OPHN1: variants seen among roughly 807,000 people sequenced by gnomAD.
OPHN1 encodes oligophrenin 1, also known as oligophrenin-1.
A neutral mutation model predicts 60.7 loss-of-function variants in OPHN1; 11 were observed. That is an observed-to-expected ratio of 0.18 (90% CI 0.11 to 0.30). OPHN1 has a LOEUF of 0.30. Ranked by LOEUF, OPHN1 falls within the 10% of genes least tolerant of loss-of-function variation. The pLI is 1.00. For synonymous variants in OPHN1, 226 were observed against 222.6 expected, an observed-to-expected ratio of 1.02 and a Z score of -0.14; for missense variants, 449 against 611.0, an observed-to-expected ratio of 0.73 and a Z score of 2.80.
At chrX:68,265,467 C>T (rs2077918705) in intron 5 of OPHN1, among the ~76,000 whole-genome samples, 1 of 112,105 alleles carries the variant, frequency 8.9e-6, no homozygotes, top group Non-Finnish European at 1.9e-5. Context: ...AGCTGAGGGT[C>T]CTGACTGTTA....
intron 2 of OPHN1, among the ~76,000 whole-genome samples, chrX:68,307,685 C>A (rs974828351): frequency 1.8e-5 from 2 of 110,819 alleles, no homozygotes; most frequent in African/African-American, 6.6e-5. Context: ...ATAGAGGAGA[C>A]AAACTACAAT....
intron 2 of OPHN1, among the ~76,000 whole-genome samples, chrX:68,359,263 A>C (rs1330399868): frequency 1.8e-5 from 2 of 111,353 alleles, no homozygotes; most frequent in Non-Finnish European, 3.8e-5. Flanking sequence ...CTGCAGAAAA[A>C]TTTGGGGTAC....
At chrX:68,262,809 C>T (rs1431824566) in intron 5 of OPHN1, among the ~76,000 whole-genome samples, 1 of 101,388 alleles carries the variant, frequency 9.9e-6, no homozygotes, top group Non-Finnish European at 2.0e-5. Context: ...CAGGACAGGA[C>T]AGGACAGGAC....
At chrX:68,196,073 T>A (rs1487351087) in intron 12 of OPHN1, among the ~76,000 whole-genome samples, 1 of 112,104 alleles carries the variant, frequency 8.9e-6, no homozygotes, top group Admixed American at 9.5e-5. Flanking sequence ...AGTGCTGGAA[T>A]ATTTTCTGGA....
rs186654612 is a variant in OPHN1 at position 68,167,948 on chromosome X, T to C, written c.1276+24971A>G. On this transcript the variant is annotated intron_variant, in intron 15 of 24. Transcript: ENST00000355520. ...GCAACCTGGATGGAACTGGAGATCA[T>C]TACGTTAAGGAAAATAAGCCAGGCA... Among the ~76,000 whole-genome samples the C allele has an allele frequency of 2.6e-3, 290 of 111,001 alleles. 4 individuals are homozygous for C. The highest frequency in any genetic ancestry group is 4.1e-3 in the Non-Finnish European group (219 of 52,971).
At chrX:68,417,120 G>A (rs1187308687) in intron 2 of OPHN1, among the ~76,000 whole-genome samples, 2 of 108,855 alleles carry the variant, frequency 1.8e-5, no homozygotes, top group African/African-American at 6.7e-5. Context: ...TTTTGAGATG[G>A]AGACTTACTC....
rs887171915 is a variant in OPHN1 at position 68,042,540 on chromosome X, G to A, written c.*4632C>T. The A allele has an allele frequency of 9.0e-6, 1 of 110,815 alleles. No individual in the cohort carries two copies. The highest frequency in any genetic ancestry group is 3.3e-5 in the African/African-American group (1 of 30,418). 9.1% of individuals were successfully genotyped at this position (110,815 alleles called of 1,213,427 possible). ...TTCTTTATCGAAAACTTATCTTTAA[G>A]GTATCTTGTCCTTCGCGAAGGACAT... On this transcript the variant is annotated 3_prime_UTR_variant, in exon 25 of 25. Transcript: ENST00000355520.
chrX:68,165,874 A>G (rs1240045023), intron 15 of OPHN1, among the ~76,000 whole-genome samples: 2 of 112,541 alleles, frequency 1.8e-5, no homozygotes, highest in East Asian at 5.6e-4. Flanking sequence ...AGACATATAA[A>G]TCAGTATGAT....
rs73634104 is a variant in OPHN1 at position 68,075,295 on chromosome X, C to T, written c.1687-1996G>A. On this transcript the variant is annotated intron_variant, in intron 19 of 24. Coordinates refer to ENST00000355520, the MANE Select transcript of OPHN1 (RefSeq NM_002547.3). ...AGTGAGAATTTGCAAGGCAAAGTGC[C>T]AGAGAGATTTTGTACACTAAAATCT... is the stretch of plus-strand genomic sequence containing the variant. Among the ~76,000 whole-genome samples the T allele has an allele frequency of 7.9e-3, 889 of 112,157 alleles. 12 individuals are homozygous for T. The highest frequency in any genetic ancestry group is 0.028 in the African/African-American group (852 of 30,908).
At chrX:68,113,667 G>T (rs1351719766) in intron 16 of OPHN1, among the ~76,000 whole-genome samples, 2 of 109,504 alleles carry the variant, frequency 1.8e-5, no homozygotes, top group Non-Finnish European at 3.8e-5. Flanking sequence ...GGCTCAAATG[G>T]GTTTACTCAT....
chrX:68,166,102 A>C (rs12854385), intron 15 of OPHN1, among the ~76,000 whole-genome samples: 15,651 of 112,219 alleles, frequency 0.14, 902 homozygotes, highest in African/African-American at 0.21. Flanking sequence ...TTAAATTTTT[A>C]CAAGAAAACA....
rs776116527 is a variant in OPHN1, at chrX:68,053,808, C to T, written c.2161G>A (p.Asp721Asn). The T allele has an allele frequency of 1.7e-6, 2 of 1,208,578 alleles. No individual in the cohort carries two copies. Among genetic ancestry groups the T allele is most frequent in the South Asian group, 1.8e-5 (1 of 56,102 alleles). Residue 721 changes from aspartate (D) to asparagine (N), a missense_variant and splice_region_variant, in exon 22 of 25, where the codon GAT becomes AAT. Asp to Asn is a conservative substitution (Grantham distance 23). This residue lies in a region of OPHN1 where 184 missense variants were observed against 160.5 expected (regional missense o/e 1.15). Transcript: ENST00000355520. ...PRPLAHHKEG[D>N]ADSFSKVRPP... The stretch of plus-strand genomic sequence containing the variant: ...CGCACTTTGCTGAAACTGTCAGCAT[C>T]CCCTGGAAGAGAAAATGATACCAGG...
At chrX:68,077,470 G>C (rs2076957714) in intron 19 of OPHN1, among the ~76,000 whole-genome samples, 1 of 112,265 alleles carries the variant, frequency 8.9e-6, no homozygotes, top group Admixed American at 9.5e-5. Context: ...TTCACTCACT[G>C]AGGAATATTA....
intron 21 of OPHN1, among the ~76,000 whole-genome samples, chrX:68,060,819 C>T (rs937296135): frequency 9.0e-6 from 1 of 111,472 alleles, no homozygotes; most frequent in Admixed American, 9.6e-5. Flanking sequence ...GCTGAGGTAA[C>T]AGTTCCCTCC....
chrX:68,227,392 C>T (rs779974234), intron 6 of OPHN1, among the ~76,000 whole-genome samples: 31 of 111,172 alleles, frequency 2.8e-4, no homozygotes, highest in African/African-American at 9.5e-4. Flanking sequence ...GAACTCAGCT[C>T]TGCACCAAGC....
At chrX:68,331,406 A>T (rs1212359881) in intron 2 of OPHN1, among the ~76,000 whole-genome samples, 1 of 109,645 alleles carries the variant, frequency 9.1e-6, no homozygotes, top group African/African-American at 3.3e-5. Context: ...GTAAACGCAG[A>T]TTTCACTATC....
intron 15 of OPHN1, among the ~76,000 whole-genome samples, chrX:68,136,291 CTT>C (rs779712280): frequency 4.7e-5 from 3 of 64,114 alleles, no homozygotes; most frequent in East Asian, 4.8e-4. Flanking sequence ...AATATCTTTT[CTT>C]TTTTTTTTTT....
rs56107322 is a variant in OPHN1 at position 68,112,061 on chromosome X, G to GCACACA, written c.1421-108_1421-103dup. 2,684 of 387,648 alleles carry GCACACA rather than the reference G, an allele frequency of 6.9e-3. 39 individuals are homozygous for GCACACA. The highest frequency in any genetic ancestry group is 0.052 in the African/African-American group (1,647 of 31,521). The allele number at this position is 387,648 out of a possible 1,213,427, so 31.9% of individuals were successfully genotyped here. ...CACAAACACACACACATGCACACATGCACACACACACACACACACACACAC... is the reference window on the plus strand; with the variant it reads ...CACAAACACACACACATGCACACATGCACACACACACACACACACACACACACACAC... On this transcript the variant is annotated intron_variant, in intron 17 of 24. Transcript: ENST00000355520.
intron 5 of OPHN1, among the ~76,000 whole-genome samples, chrX:68,252,895 G>A (rs1198702765): frequency 9.1e-6 from 1 of 110,284 alleles, no homozygotes; most frequent in African/African-American, 3.3e-5. Flanking sequence ...ATCCTACTGT[G>A]AGCAGAAGCC....
Sources: gnomAD v4.1 joint callset for allele counts (sites outside exome capture counted in the v4.1 genomes callset) on GRCh38, gnomAD v4.1.1 for gene constraint, gnomAD v4.1.1 regional missense constraint, MANE v1.5 for transcripts, NCBI Gene and HGNC (gene_info 2026-07-23, HGNC 2026-07-21) for gene names.